The following DMRT1 variants were observed in gnomAD, a reference collection of about 807,000 sequenced individuals.
DMRT1 encodes doublesex and mab-3 related transcription factor 1.
A neutral mutation model predicts 32.3 loss-of-function variants in DMRT1; 7 were observed. That is an observed-to-expected ratio of 0.22 (90% CI 0.12 to 0.41). DMRT1 has a LOEUF of 0.41. Among genes scored for constraint, DMRT1 ranks in the 10% least tolerant of loss-of-function variants. The pLI is 1.00. For synonymous variants in DMRT1, 278 were observed against 206.1 expected, an observed-to-expected ratio of 1.35 and a Z score of -2.99; for missense variants, 625 against 500.5, an observed-to-expected ratio of 1.25 and a Z score of -2.37.
In DMRT1 at chr9:859,959, C is replaced by T. The variant is rs186883014; in HGVS notation, c.538+12816C>T. On this transcript the variant is annotated intron_variant, in intron 2 of 4. Transcript: ENST00000382276. The stretch of plus-strand genomic sequence containing the variant: ...TTGATTTCAGAACTTATAAAAATTG[C>T]CGTTAACTACCCGTTAACTCTAGTC... Among the ~76,000 whole-genome samples the T allele has an allele frequency of 4.6e-5, 7 of 152,280 alleles. No homozygotes were observed. In the East Asian group the frequency reaches 1.4e-3, roughly 29 times the overall value.
chr9:937,888 GT>G (rs1399786510), intron 4 of DMRT1, among the ~76,000 whole-genome samples: 2 of 151,362 alleles, frequency 1.3e-5, no homozygotes, highest in Non-Finnish European at 2.9e-5. Flanking sequence ...TTTGTTGCCT[GT>G]GCTTTTGGTG....
intron 3 of DMRT1, among the ~76,000 whole-genome samples, chr9:904,128 G>C (rs1817685853): frequency 6.6e-6 from 1 of 152,200 alleles, no homozygotes; most frequent in Non-Finnish European, 1.5e-5. Context: ...CATTAGGTTA[G>C]TAAATAATAT....
intron 1 of DMRT1, among the ~76,000 whole-genome samples, chr9:846,175 G>C (rs1429163073): frequency 6.6e-6 from 1 of 151,536 alleles, no homozygotes; most frequent in Non-Finnish European, 1.5e-5. Context: ...GGGACTACAG[G>C]TGGGCTAACA....
At chr9:915,789 G>C (rs983980277) in intron 3 of DMRT1, among the ~76,000 whole-genome samples, 15 of 151,228 alleles carry the variant, frequency 9.9e-5, no homozygotes, top group Non-Finnish European at 1.9e-4. Context: ...CTGGAGTGCA[G>C]TGGCGCGATC....
At chr9:935,526 C>G (rs1390824272) in intron 4 of DMRT1, among the ~76,000 whole-genome samples, 1 of 152,156 alleles carries the variant, frequency 6.6e-6, no homozygotes, top group African/African-American at 2.4e-5. Context: ...TTCTGATGAG[C>G]GATAGATTGG....
At chr9:936,035 C>G (rs746285917) in intron 4 of DMRT1, among the ~76,000 whole-genome samples, 5 of 152,200 alleles carry the variant, frequency 3.3e-5, no homozygotes, top group Non-Finnish European at 5.9e-5. Flanking sequence ...AGCAGCCTGT[C>G]TCTACCCACT....
At chr9:856,567 A>G (rs1202180757) in intron 2 of DMRT1, among the ~76,000 whole-genome samples, 1 of 152,132 alleles carries the variant, frequency 6.6e-6, no homozygotes, top group Non-Finnish European at 1.5e-5. Flanking sequence ...TGTATTTTTA[A>G]TTATTATTGT....
At chr9:953,466 G>C in intron 4 of DMRT1, among the ~76,000 whole-genome samples, 1 of 152,148 alleles carries the variant, frequency 6.6e-6, no homozygotes, top group East Asian at 1.9e-4. Flanking sequence ...TCTAAATGAC[G>C]AAAATCTTCT....
At chr9:914,915 T>C (rs1238229933) in intron 3 of DMRT1, among the ~76,000 whole-genome samples, 1 of 152,148 alleles carries the variant, frequency 6.6e-6, no homozygotes, top group Non-Finnish European at 1.5e-5. Flanking sequence ...CTTAAGCCAG[T>C]GTTAGTTGGT....
At position 920,278 on chromosome 9, in the gene DMRT1, G is replaced by A. The variant is rs569561209; in HGVS notation, c.967+3371G>A. Among the ~76,000 whole-genome samples the A allele has an allele frequency of 5.3e-5, 8 of 152,278 alleles. No homozygotes were observed. The East Asian group carries it at 5.8e-4, about 11-fold the overall frequency. ...ATAAAGGACCAGGGACTGAGCCTGC[G>A]TGTCTCCAGTGTTTATGGCCCTGTA... On this transcript the variant is annotated intron_variant, in intron 4 of 4. Transcript: ENST00000382276.
chr9:852,643 G>C (rs1325681077), intron 2 of DMRT1, among the ~76,000 whole-genome samples: 1 of 152,184 alleles, frequency 6.6e-6, no homozygotes, highest in Non-Finnish European at 1.5e-5. Flanking sequence ...AGTTCTGCAT[G>C]TGTGTCCTTT....
intron 3 of DMRT1, among the ~76,000 whole-genome samples, chr9:907,692 G>A (rs1817825643): frequency 6.6e-6 from 1 of 152,118 alleles, no homozygotes; most frequent in Non-Finnish European, 1.5e-5. Context: ...TACACAAAAT[G>A]ACAAGTTTTG....
intron 4 of DMRT1, among the ~76,000 whole-genome samples, chr9:946,042 T>C (rs1819234117): frequency 6.6e-6 from 1 of 152,200 alleles, no homozygotes; most frequent in African/African-American, 2.4e-5. Flanking sequence ...TTTATTATTC[T>C]TAACTGGCAC....
At chr9:860,045 C>T (rs530561466) in intron 2 of DMRT1, among the ~76,000 whole-genome samples, 1 of 151,804 alleles carries the variant, frequency 6.6e-6, no homozygotes, top group African/African-American at 2.4e-5. Flanking sequence ...GCCTGTAATC[C>T]CAGCACTTTG....
In DMRT1 at chr9:961,315, A is replaced by C. The variant is rs186861317; in HGVS notation, c.968-6670A>C. On this transcript the variant is annotated intron_variant, in intron 4 of 4. Transcript: ENST00000382276. ...TGTGACAGGGCTCCAGGAACCCAGT[A>C]ATTGTAGATTAGGAACAGATGAGAC... Among the ~76,000 whole-genome samples the C allele has an allele frequency of 3.2e-3, 489 of 152,248 alleles. 9 individuals carry two copies. The highest frequency in any genetic ancestry group is 0.012 in the African/African-American group (480 of 41,530).
chr9:847,539 C>T (rs777376480), intron 2 of DMRT1, among the ~76,000 whole-genome samples: 2 of 152,144 alleles, frequency 1.3e-5, no homozygotes, highest in Non-Finnish European at 2.9e-5. Flanking sequence ...CTAGAAAGGC[C>T]AAATCCTAGT....
chr9:861,512 T>C (rs896698928), intron 2 of DMRT1, among the ~76,000 whole-genome samples: 5 of 152,230 alleles, frequency 3.3e-5, no homozygotes, highest in African/African-American at 1.2e-4. Context: ...TTCCCCACAT[T>C]TCCCCCTTTT....
chr9:906,992 A>G (rs1161440054), intron 3 of DMRT1, among the ~76,000 whole-genome samples: 1 of 152,168 alleles, frequency 6.6e-6, no homozygotes, highest in African/African-American at 2.4e-5. Flanking sequence ...AAGTCTCTAT[A>G]TTATTTCTCA....
chr9:919,824 G>T (rs1026545819), intron 4 of DMRT1, among the ~76,000 whole-genome samples: 2 of 152,096 alleles, frequency 1.3e-5, no homozygotes, highest in African/African-American at 4.8e-5. Flanking sequence ...GATGACGGGT[G>T]GTCGAATTCT....
Sources: allele counts gnomAD v4.1 joint callset (sites outside exome capture counted in the v4.1 genomes callset), GRCh38; gene constraint gnomAD v4.1.1; transcripts MANE v1.5; gene names NCBI Gene and HGNC (gene_info 2026-07-23, HGNC 2026-07-21).